RNLS: variants seen among roughly 807,000 people sequenced by gnomAD.
The protein encoded by RNLS is renalase, FAD dependent amine oxidase, also known as renalase.
Under a neutral mutation model 39.8 loss-of-function variants are expected in RNLS, and 39 were observed. That is an observed-to-expected ratio of 0.98 (90% CI 0.76 to 1.28). The LOEUF is 1.28. RNLS is among the 50% of genes most tolerant of loss of function. RNLS has a pLI of 0.00. For missense variants in RNLS, 410 were observed against 413.3 expected, an observed-to-expected ratio of 0.99 and a Z score of 0.07; for synonymous variants, 147 against 150.7, an observed-to-expected ratio of 0.98 and a Z score of 0.18.
At chr10:88,552,925 G>C (rs1295503341) in intron 4 of RNLS, among the ~76,000 whole-genome samples, 1 of 152,138 alleles carries the variant, frequency 6.6e-6, no homozygotes, top group East Asian at 1.9e-4. Context: ...AATTTATTAA[G>C]TTAGATATGT....
intron 3 of RNLS, 143 bp downstream of exon 3, chr10:88,581,424 C>T: frequency 1.8e-6 from 1 of 558,002 alleles, no homozygotes; most frequent in Non-Finnish European, 2.9e-6. Context: ...TCAATGATTA[C>T]TTTGGGGAAG....
At position 88,489,036 on chromosome 10, in the gene RNLS, C is replaced by T. The variant is rs543758722; in HGVS notation, c.526+83867G>A. 3.4e-4 allele frequency among the ~76,000 whole-genome samples: 52 copies of T among 152,210 alleles called. 1 individual carries two copies. The highest frequency in any genetic ancestry group is 5.4e-4 in the Non-Finnish European group (37 of 67,998). ...CACACTGTACAAAGTGGTCTTACCT[C>T]GAAATTCAAGCATTCTGAGTCCTGG... On this transcript the variant is annotated intron_variant, in intron 4 of 6. Coordinates refer to ENST00000331772, the MANE Select transcript of RNLS (RefSeq NM_001031709.3).
At chr10:88,202,234 T>C in the RNLS span, among the ~76,000 whole-genome samples, 5 of 132,140 alleles carry the variant, frequency 3.8e-5, no homozygotes, top group African/African-American at 1.2e-4. Context: ...CACTCATAGG[T>C]GGGAATTGAA....
In RNLS at chr10:88,500,592, G is replaced by A. The variant is rs1212198082; in HGVS notation, c.526+72311C>T. 2.6e-5 allele frequency among the ~76,000 whole-genome samples: 4 copies of A among 152,046 alleles called. No individual in the cohort carries two copies. In the South Asian group the frequency reaches 8.3e-4, roughly 31 times the overall value. Reference sequence around the variant, plus strand: ...TTTAAAACTGCAGATACAAACTAAGGCAAGCAAATCATGCTATTTAATGTT... The same window carrying A: ...TTTAAAACTGCAGATACAAACTAAGACAAGCAAATCATGCTATTTAATGTT... On this transcript the variant is annotated intron_variant, in intron 4 of 6. Transcript: ENST00000331772.
At chr10:88,265,370 T>A in the RNLS span, among the ~76,000 whole-genome samples, 4 of 150,530 alleles carry the variant, frequency 2.7e-5, no homozygotes, top group African/African-American at 9.8e-5. Context: ...ATTTTAGGAT[T>A]TTTTTCTAGT....
chr10:88,399,643 G>T (rs1852792179), intron 4 of RNLS, among the ~76,000 whole-genome samples: 1 of 152,010 alleles, frequency 6.6e-6, no homozygotes, highest in South Asian at 2.1e-4. Flanking sequence ...CTACCAATGG[G>T]CATGGAGTTT....
intron 4 of RNLS, among the ~76,000 whole-genome samples, chr10:88,427,066 T>C (rs1312293878): frequency 6.6e-6 from 1 of 152,064 alleles, no homozygotes; most frequent in Non-Finnish European, 1.5e-5. Context: ...TCCCCACAGG[T>C]ACCATTATTA....
At chr10:88,472,581 T>C (rs761580230) in intron 4 of RNLS, among the ~76,000 whole-genome samples, 1 of 152,228 alleles carries the variant, frequency 6.6e-6, no homozygotes, top group African/African-American at 2.4e-5. Context: ...TCTGTGGTTA[T>C]AGGTAAAAGC....
At chr10:88,457,584 T>C (rs1177361371) in intron 4 of RNLS, among the ~76,000 whole-genome samples, 3 of 152,020 alleles carry the variant, frequency 2.0e-5, no homozygotes, top group African/African-American at 7.2e-5. Context: ...CTGTCTCTGG[T>C]GTGAGGTACC....
chr10:88,313,193 A>G (rs1845514705), intron 6 of RNLS, among the ~76,000 whole-genome samples: 1 of 152,234 alleles, frequency 6.6e-6, no homozygotes, highest in African/African-American at 2.4e-5. Flanking sequence ...TTAAGAAATA[A>G]GTAGATTTTA....
chr10:88,250,483 G>A, the RNLS span, among the ~76,000 whole-genome samples: 1 of 152,282 alleles, frequency 6.6e-6, no homozygotes, highest in African/African-American at 2.4e-5. Flanking sequence ...TAGAGAAGAG[G>A]GTGTGAGGTG....
Position 88,337,153 on chromosome 10 carries a change from A to T in RNLS, c.701-22512T>A, listed in dbSNP as rs568359582. On this transcript the variant is annotated intron_variant, in intron 5 of 6. Coordinates refer to ENST00000331772, the MANE Select transcript of RNLS (RefSeq NM_001031709.3). ...TTTGGGTCTCATGAAGGGGCTCAAA[A>T]CAGTTCACAGATGGTAAAGGTCTTC... Among the ~76,000 whole-genome samples the T allele has an allele frequency of 4.6e-5, 7 of 152,290 alleles. No homozygotes were observed. In the East Asian group the frequency reaches 1.3e-3, roughly 29 times the overall value.
intron 5 of RNLS, among the ~76,000 whole-genome samples, chr10:88,343,214 G>A (rs1327681343): frequency 6.6e-6 from 1 of 152,168 alleles, no homozygotes; most frequent in Non-Finnish European, 1.5e-5. Flanking sequence ...CTGGAAAGGG[G>A]CAAGGATGGA....
chr10:88,176,551 G>T, the RNLS span, among the ~76,000 whole-genome samples: 3 of 152,124 alleles, frequency 2.0e-5, no homozygotes, highest in South Asian at 2.1e-4. Flanking sequence ...ACATCATTTT[G>T]TTAATTATTT....
intron 5 of RNLS, among the ~76,000 whole-genome samples, chr10:88,356,725 T>A (rs1286090889): frequency 2.0e-5 from 3 of 152,264 alleles, no homozygotes; most frequent in African/African-American, 7.2e-5. Context: ...GTTGGATTAT[T>A]TTCTTTGATA....
At chr10:88,494,482 T>A (rs1845061049) in intron 4 of RNLS, among the ~76,000 whole-genome samples, 1 of 152,234 alleles carries the variant, frequency 6.6e-6, no homozygotes, top group Non-Finnish European at 1.5e-5. Context: ...TATTTTCTTT[T>A]CATTTCATTA....
At chr10:88,419,608 C>G (rs1195491390) in intron 4 of RNLS, among the ~76,000 whole-genome samples, 1 of 152,114 alleles carries the variant, frequency 6.6e-6, no homozygotes, top group African/African-American at 2.4e-5. Context: ...AACTATTAAA[C>G]TATTCAGTTG....
At chr10:88,324,072 TC>T (rs1019964813) in intron 5 of RNLS, among the ~76,000 whole-genome samples, 3 of 151,888 alleles carry the variant, frequency 2.0e-5, no homozygotes, top group Non-Finnish European at 4.4e-5. Context: ...TATTAAAAAG[TC>T]AAAAAACAAT....
intron 4 of RNLS, among the ~76,000 whole-genome samples, chr10:88,475,519 T>C (rs1331105199): frequency 2.0e-5 from 3 of 152,216 alleles, no homozygotes; most frequent in African/African-American, 4.8e-5. Context: ...TCTTTTCTTC[T>C]AACTTCTATT....
Sources: allele counts gnomAD v4.1 joint callset (sites outside exome capture counted in the v4.1 genomes callset), GRCh38; gene constraint gnomAD v4.1.1; transcripts MANE v1.5; gene names NCBI Gene and HGNC (gene_info 2026-07-23, HGNC 2026-07-21).